Variants in RGS7 observed in about 807,000 individuals in gnomAD.
RGS7 encodes regulator of G protein signaling 7.
Under a neutral mutation model 81.1 loss-of-function variants are expected in RGS7, and 27 were observed. That is an observed-to-expected ratio of 0.33 (90% confidence interval 0.25 to 0.46). The LOEUF is 0.46. Ranked by LOEUF, RGS7 falls within the 20% of genes least tolerant of loss-of-function variation. The pLI is 1.00. For missense variants in RGS7, 396 were observed against 607.4 expected (o/e 0.65, Z 3.66); for synonymous variants, 208 against 207.7 (o/e 1.00, Z -0.01).
chr1:241,153,720 C>T (rs2068916452), intron 2 of RGS7, among the ~76,000 whole-genome samples: 1 of 152,214 alleles, frequency 6.6e-6, no homozygotes, highest in Non-Finnish European at 1.5e-5. Context: ...ATCTCCTTGG[C>T]CTTACTACTT....
At chr1:241,329,927 TTTTG>T (rs1205203783) in intron 2 of RGS7, among the ~76,000 whole-genome samples, 1 of 150,134 alleles carries the variant, frequency 6.7e-6, no homozygotes, top group African/African-American at 2.4e-5. Context: ...TTTGTTTTTT[TTTTG>T]TTTGTTTGTT....
intron 4 of RGS7, among the ~76,000 whole-genome samples, chr1:240,970,385 G>A (rs552100737): frequency 3.9e-5 from 6 of 152,254 alleles, no homozygotes; most frequent in African/African-American, 1.2e-4. Context: ...CAGAGCAATT[G>A]GATAATTATA....
chr1:240,934,140 T>C (rs892661031), intron 5 of RGS7, among the ~76,000 whole-genome samples: 2 of 152,106 alleles, frequency 1.3e-5, no homozygotes, highest in Non-Finnish European at 2.9e-5. Flanking sequence ...ATTTTTGTAT[T>C]TTTAGTAGAG....
intron 6 of RGS7, among the ~76,000 whole-genome samples, chr1:240,908,284 A>T (rs1309590261): frequency 6.6e-6 from 1 of 152,124 alleles, no homozygotes; most frequent in African/African-American, 2.4e-5. Flanking sequence ...CCAACATGGC[A>T]CATGTATACA....
At chr1:241,143,541 C>G (rs1280628955) in intron 2 of RGS7, among the ~76,000 whole-genome samples, 1 of 152,142 alleles carries the variant, frequency 6.6e-6, no homozygotes. Flanking sequence ...GACTCATCCA[C>G]TATCACAAGA....
chr1:240,891,315 G>C (rs1668257742), intron 6 of RGS7, among the ~76,000 whole-genome samples: 1 of 152,136 alleles, frequency 6.6e-6, no homozygotes, highest in African/African-American at 2.4e-5. Context: ...CTGATTATCA[G>C]TTCTTTAGTG....
chr1:241,212,687 G>A (rs1375329158), intron 2 of RGS7, among the ~76,000 whole-genome samples: 1 of 152,168 alleles, frequency 6.6e-6, no homozygotes, highest in Non-Finnish European at 1.5e-5. Context: ...AAGAAATCAA[G>A]AGTCCCAGAT....
At chr1:241,047,651 G>A (rs2061004757) in intron 3 of RGS7, among the ~76,000 whole-genome samples, 1 of 149,108 alleles carries the variant, frequency 6.7e-6, no homozygotes, top group Non-Finnish European at 1.5e-5. Flanking sequence ...CTATCAGCAA[G>A]TAAACACGAT....
In RGS7 at chr1:240,839,091, G is replaced by A. The variant is rs376897479; in HGVS notation, c.610-11919C>T. On this transcript the variant is annotated intron_variant, in intron 9 of 18. Transcript: ENST00000440928. ...ATTTTGCTGTCTTTAAGACAGCAAT[G>A]CCTATGAGGCTAGATGATCCCAACT... 2.6e-5 allele frequency among the ~76,000 whole-genome samples: 4 copies of A among 152,180 alleles called. No individual in the cohort carries two copies. The South Asian group carries it at 8.3e-4, about 31-fold the overall frequency.
intron 2 of RGS7, among the ~76,000 whole-genome samples, chr1:241,100,603 G>C (rs1462675997): frequency 6.6e-6 from 1 of 152,036 alleles, no homozygotes; most frequent in Non-Finnish European, 1.5e-5. Flanking sequence ...TGTTCTTTGA[G>C]TAAGTTAAAT....
intron 4 of RGS7, among the ~76,000 whole-genome samples, chr1:240,941,704 T>C (rs560070716): frequency 1.3e-5 from 2 of 151,904 alleles, no homozygotes; most frequent in South Asian, 4.2e-4. Context: ...ACAGACTTGT[T>C]TATTGTTAGG....
chr1:240,995,577 C>T (rs1261925785), intron 3 of RGS7, among the ~76,000 whole-genome samples: 1 of 152,104 alleles, frequency 6.6e-6, no homozygotes, highest in African/African-American at 2.4e-5. Flanking sequence ...GTTTTTGAGA[C>T]ACTGATCAGT....
chr1:241,263,648 T>C (rs2077449520), intron 2 of RGS7, among the ~76,000 whole-genome samples: 1 of 152,222 alleles, frequency 6.6e-6, no homozygotes, highest in African/African-American at 2.4e-5. Flanking sequence ...ACAGACATGC[T>C]AAGTACCCTG....
intron 2 of RGS7, among the ~76,000 whole-genome samples, chr1:241,143,047 G>T (rs1381977557): frequency 3.9e-5 from 6 of 152,088 alleles, no homozygotes; most frequent in African/African-American, 9.7e-5. Flanking sequence ...CATAACAAGG[G>T]TCATCTTTGC....
intron 2 of RGS7, among the ~76,000 whole-genome samples, chr1:241,201,349 T>C (rs184007605): frequency 6.6e-6 from 1 of 152,286 alleles, no homozygotes; most frequent in East Asian, 1.9e-4. Context: ...CCTTTAGTCA[T>C]CCTACATAAA....
chr1:240,983,140 A>G lies in RGS7; in HGVS notation c.176-11T>C. ...GAACAATGTCTGAACCTAGAAAAAG[A>G]AAAAAGAAAAACACAAACAGATGTG... On this transcript the variant is annotated splice_polypyrimidine_tract_variant and intron_variant, in intron 3 of 18. Coordinates refer to ENST00000440928, the MANE Select transcript of RGS7 (RefSeq NM_001364886.1). 6.9e-7 allele frequency: 1 copy of G among 1,439,216 alleles called. No individual in the cohort carries two copies. The highest frequency in any genetic ancestry group is 1.4e-5 in the African/African-American group (1 of 71,104). 89.2% of individuals were successfully genotyped at this position (1,439,216 alleles called of 1,614,324 possible). A position where few individuals can be genotyped will look rare whatever the true frequency, so the allele number is the denominator to read the frequency against.
At chr1:241,159,888 C>T (rs915220034) in intron 2 of RGS7, among the ~76,000 whole-genome samples, 1 of 151,838 alleles carries the variant, frequency 6.6e-6, no homozygotes, top group African/African-American at 2.4e-5. Context: ...AGAAAGAAAA[C>T]CTGCTCCTTG....
chr1:241,170,241 C>T (rs527564836), intron 2 of RGS7, among the ~76,000 whole-genome samples: 9 of 152,244 alleles, frequency 5.9e-5, no homozygotes, highest in Middle Eastern at 3.4e-3. Context: ...TCAATTATTT[C>T]CCAAAGATTT....
intron 2 of RGS7, among the ~76,000 whole-genome samples, chr1:241,298,727 T>C (rs2079562356): frequency 6.6e-6 from 1 of 152,202 alleles, no homozygotes; most frequent in African/African-American, 2.4e-5. Context: ...ATTCTTTCTA[T>C]ATATGTCAAG....
Sources: allele counts gnomAD v4.1 joint callset (sites outside exome capture counted in the v4.1 genomes callset), GRCh38; gene constraint gnomAD v4.1.1; transcripts MANE v1.5; gene names NCBI Gene and HGNC (gene_info 2026-07-23, HGNC 2026-07-21).